Variants in PDCL2 observed in about 807,000 individuals in gnomAD.
PDCL2 encodes phosducin-like protein 2.
In PDCL2, 23 loss-of-function variants were observed where a neutral mutation model predicts 30.3. The ratio of observed to expected loss-of-function variants is 0.76; its 90% CI spans 0.55 to 1.08. The LOEUF (loss-of-function observed/expected upper bound fraction) is 1.08. Among genes scored for constraint, PDCL2 ranks in the 50% least tolerant of loss-of-function variants. The pLI, the probability that PDCL2 is intolerant of heterozygous loss-of-function variation, is 0.00. For synonymous variants in PDCL2, 68 were observed against 86.2 expected (o/e 0.79, Z 1.17); for missense variants, 243 against 282.3 (o/e 0.86, Z 1.00).
chr4:55,589,445 A>G (rs1275141539), intron 1 of PDCL2, among the ~76,000 whole-genome samples: 1 of 152,220 alleles, frequency 6.6e-6, no homozygotes, highest in East Asian at 1.9e-4. Context: ...ACCACCCAAC[A>G]ATACGACTCA....
chr4:55,578,086 C>T (rs909918175), intron 3 of PDCL2, among the ~76,000 whole-genome samples: 2 of 152,018 alleles, frequency 1.3e-5, no homozygotes, highest in African/African-American at 4.8e-5. Context: ...CTGCATCTTC[C>T]CCGGAGTAAA....
chr4:55,576,095 C>CT (rs367724961), intron 3 of PDCL2, among the ~76,000 whole-genome samples: 20 of 148,944 alleles, frequency 1.3e-4, no homozygotes, highest in South Asian at 6.4e-4. Flanking sequence ...GAATTGGTTT[C>CT]TTTTTTTTTT....
Position 55,585,980 on chromosome 4 carries a change from A to G in PDCL2, c.7-3743T>C, listed in dbSNP as rs534246417. On this transcript the variant is annotated intron_variant, in intron 1 of 5. Coordinates refer to ENST00000295645, the MANE Select transcript of PDCL2 (RefSeq NM_152401.3). Reference sequence around the variant, plus strand: ...ATTTTATATTTTCAAAAAACCAAAGATTTTCTTGATTTTTTCTATTGTTTT... The same window carrying G: ...ATTTTATATTTTCAAAAAACCAAAGGTTTTCTTGATTTTTTCTATTGTTTT... 9.9e-5 allele frequency among the ~76,000 whole-genome samples: 15 copies of G among 151,876 alleles called. No individual in the cohort carries two copies. The East Asian group carries it at 2.9e-3, about 29-fold the overall frequency.
chr4:55,566,478 A>C (rs970859809), intron 4 of PDCL2, among the ~76,000 whole-genome samples: 1 of 128,820 alleles, frequency 7.8e-6, no homozygotes, highest in African/African-American at 3.0e-5. Context: ...CCCAGGCTGG[A>C]GTGCAATGAT....
At position 55,569,702 on chromosome 4, in the gene PDCL2, ATAT is replaced by A. The variant is rs1372362280; in HGVS notation, c.362+13_362+15del. 1 of 1,485,116 alleles carries A rather than the reference ATAT, an allele frequency of 6.7e-7. No individual in the cohort carries two copies. The highest frequency in any genetic ancestry group is 2.5e-5 in the Admixed American group (1 of 39,278). 92.0% of individuals were successfully genotyped at this position (1,485,116 alleles called of 1,614,324 possible). On this transcript the variant is annotated intron_variant, in intron 4 of 5. Coordinates refer to ENST00000295645, the MANE Select transcript of PDCL2 (RefSeq NM_152401.3). ...AATAGTAGTATATTAACATTTTGAA[ATAT>A]TATGGTAATTACCTTGATCTGTATA...
At chr4:55,572,000 T>C (rs562416731) in intron 3 of PDCL2, among the ~76,000 whole-genome samples, 1 of 152,208 alleles carries the variant, frequency 6.6e-6, no homozygotes, top group South Asian at 2.1e-4. Context: ...AAAATATTCT[T>C]GTTCCAATGA....
chr4:55,577,095 C>T (rs1184965045), intron 3 of PDCL2, among the ~76,000 whole-genome samples: 3 of 152,192 alleles, frequency 2.0e-5, no homozygotes, highest in African/African-American at 7.2e-5. Context: ...CAGGGTTTCA[C>T]CATGTTGGCC....
intron 3 of PDCL2, among the ~76,000 whole-genome samples, chr4:55,575,912 C>A (rs1732557401): frequency 6.6e-6 from 1 of 151,988 alleles, no homozygotes; most frequent in South Asian, 2.1e-4. Context: ...GGGACCTAGA[C>A]CTGCCTAAAA....
chr4:55,578,911 A>G (rs1244026685), intron 3 of PDCL2, among the ~76,000 whole-genome samples: 3 of 152,208 alleles, frequency 2.0e-5, no homozygotes, highest in African/African-American at 4.8e-5. Context: ...ACTGGATCTT[A>G]CCCATAGGAA....
intron 1 of PDCL2, among the ~76,000 whole-genome samples, chr4:55,589,962 C>T (rs1204034486): frequency 6.6e-6 from 1 of 151,828 alleles, no homozygotes; most frequent in East Asian, 1.9e-4. Flanking sequence ...TTTGAGAGGC[C>T]AAAGCAGGCA....
intron 1 of PDCL2, among the ~76,000 whole-genome samples, chr4:55,584,545 C>T (rs968753724): frequency 6.6e-6 from 1 of 152,126 alleles, no homozygotes; most frequent in Non-Finnish European, 1.5e-5. Flanking sequence ...GTATGAGCCA[C>T]CATGCCTGGC....
chr4:55,582,047 C>G (rs1732729444), intron 2 of PDCL2, 70 bp downstream of exon 2: 1 of 1,570,686 alleles, frequency 6.4e-7, no homozygotes, highest in Non-Finnish European at 8.7e-7. Context: ...CCACTATGTT[C>G]ATGAAATACC....
chr4:55,581,004 G>T, intron 2 of PDCL2, 93 bp from the exon 3 acceptor site: 1 of 833,752 alleles, frequency 1.2e-6, no homozygotes, highest in East Asian at 3.0e-5. Flanking sequence ...ATACAAAGGA[G>T]ATCAACAGTA....
At chr4:55,558,083 C>T (rs889232563) in intron 5 of PDCL2, among the ~76,000 whole-genome samples, 10 of 148,042 alleles carry the variant, frequency 6.8e-5, no homozygotes, top group South Asian at 2.1e-4. Flanking sequence ...ATCGAGATCG[C>T]GCCATTGCAC....
chr4:55,569,622 C>T, intron 4 of PDCL2, 96 bp downstream of exon 4: 2 of 848,222 alleles, frequency 2.4e-6, no homozygotes, highest in Non-Finnish European at 3.3e-6. Context: ...GTTGCTTTTT[C>T]TTGAGTACTG....
chr4:55,561,343 C>T (rs1396051562), intron 5 of PDCL2, among the ~76,000 whole-genome samples: 2 of 152,004 alleles, frequency 1.3e-5, no homozygotes, highest in Non-Finnish European at 2.9e-5. Flanking sequence ...GGGCGGATCT[C>T]CTGAGATCAG....
chr4:55,590,163 C>A (rs1206824689), intron 1 of PDCL2, among the ~76,000 whole-genome samples: 2 of 132,078 alleles, frequency 1.5e-5, no homozygotes. Context: ...CACCACTGTA[C>A]TCCAGCCTGG....
At chr4:55,578,022 C>T (rs1030057898) in intron 3 of PDCL2, among the ~76,000 whole-genome samples, 1 of 152,152 alleles carries the variant, frequency 6.6e-6, no homozygotes, top group Non-Finnish European at 1.5e-5. Flanking sequence ...TGTCTTTGTG[C>T]TGGCGATCAT....
At chr4:55,581,033 C>T (rs1025238239) in intron 2 of PDCL2, 122 bp from the exon 3 acceptor site, 68 of 615,184 alleles carry the variant, frequency 1.1e-4, no homozygotes, top group East Asian at 3.2e-4. Context: ...CAGCCGGGTG[C>T]GATGGAATCC....
Sources: gnomAD v4.1 joint callset for allele counts (sites outside exome capture counted in the v4.1 genomes callset) on GRCh38, gnomAD v4.1.1 for gene constraint, MANE v1.5 for transcripts, NCBI Gene and HGNC (gene_info 2026-07-23, HGNC 2026-07-21) for gene names.